Variants in CDYL2 observed in about 807,000 individuals in gnomAD.
CDYL2 encodes the protein chromodomain Y like 2.
CDYL2 carries 23 observed loss-of-function variants against 49.4 expected under a neutral mutation model. The observed-to-expected ratio is 0.47, with a 90% CI of 0.34 to 0.66. The LOEUF (loss-of-function observed/expected upper bound fraction) is 0.66, where lower values mean the gene tolerates loss of function less well. Ranked by LOEUF, CDYL2 falls within the 30% of genes least tolerant of loss-of-function variation. The pLI is 0.01. For missense variants in CDYL2, 678 were observed against 656.4 expected (o/e 1.03, Z -0.36); for synonymous variants, 360 against 268.8 (o/e 1.34, Z -3.32).
intron 5 of CDYL2, among the ~76,000 whole-genome samples, chr16:80,611,737 A>AGCGCCTCACAGG (rs1450348718): frequency 1.3e-5 from 2 of 152,208 alleles, no homozygotes; most frequent in Non-Finnish European, 2.9e-5. Context: ...TGGGGATCAC[A>AGCGCCTCACAGG]GCTGTCCTGC....
At chr16:80,756,380 A>C (rs1293115617) in intron 1 of CDYL2, among the ~76,000 whole-genome samples, 1 of 152,174 alleles carries the variant, frequency 6.6e-6, no homozygotes. Flanking sequence ...TTAACAAGGG[A>C]ATTTGTTAAC....
intron 2 of CDYL2, chr16:80,662,789 C>T (rs1483587530): frequency 2.2e-6 from 1 of 455,476 alleles, no homozygotes; most frequent in African/African-American, 2.0e-5. Context: ...AAGGGAATCA[C>T]ACTGTAGGAA....
chr16:80,732,252 T>C (rs1274047648), intron 1 of CDYL2, among the ~76,000 whole-genome samples: 2 of 152,214 alleles, frequency 1.3e-5, no homozygotes, highest in Non-Finnish European at 2.9e-5. Flanking sequence ...GGATACATTC[T>C]ACAACTGAGA....
rs1905999658 is a variant in CDYL2, at chr16:80,599,801, T to C, written c.*4587A>G. The C allele has an allele frequency of 6.6e-6, 1 of 152,202 alleles. No homozygotes were observed. The highest frequency in any genetic ancestry group is 2.1e-4 in the South Asian group (1 of 4,818). The allele number at this position is 152,202 out of a possible 1,614,324, so 9.4% of individuals were successfully genotyped here. ...ACCAGCAGCCTTCCCTATGACCGTGTCTAAACCATGTTTACAGTATGAAGG... is the reference window on the plus strand; with the variant it reads ...ACCAGCAGCCTTCCCTATGACCGTGCCTAAACCATGTTTACAGTATGAAGG... On this transcript the variant is annotated 3_prime_UTR_variant, in exon 7 of 7. Transcript: ENST00000570137.
rs180924485 is a variant in CDYL2 at position 80,741,139 on chromosome 16, G to T, written c.25-56010C>A. On this transcript the variant is annotated intron_variant, in intron 1 of 6. Transcript: ENST00000570137. ...GACAAAAAACCAAATTGCATAAAAA[G>T]CCCAGAAACATATATATACATAATA... Among the ~76,000 whole-genome samples the T allele has an allele frequency of 1.7e-4, 26 of 149,494 alleles. No individual in the cohort carries two copies. The East Asian group carries it at 4.3e-3, about 25-fold the overall frequency.
chr16:80,708,772 T>G (rs1904489750), intron 1 of CDYL2, among the ~76,000 whole-genome samples: 1 of 152,162 alleles, frequency 6.6e-6, no homozygotes, highest in South Asian at 2.1e-4. Flanking sequence ...TACTTATATG[T>G]AGAAAGTACT....
intron 1 of CDYL2, among the ~76,000 whole-genome samples, chr16:80,782,543 A>G (rs975486468): frequency 6.6e-5 from 10 of 150,798 alleles, no homozygotes; most frequent in Non-Finnish European, 1.3e-4. Context: ...AAAAAAAAAA[A>G]AAAAAAAAAC....
At chr16:80,656,298 C>T (rs1312085666) in intron 2 of CDYL2, among the ~76,000 whole-genome samples, 5 of 152,236 alleles carry the variant, frequency 3.3e-5, no homozygotes, top group Admixed American at 2.0e-4. Context: ...CTACTCCCAA[C>T]CCCACACCCA....
At chr16:80,657,434 G>A (rs1285509719) in intron 2 of CDYL2, among the ~76,000 whole-genome samples, 1 of 152,078 alleles carries the variant, frequency 6.6e-6, no homozygotes. Context: ...CTGAAGATAA[G>A]AAGACCAAAA....
At chr16:80,674,519 G>A (rs1393276000) in intron 2 of CDYL2, among the ~76,000 whole-genome samples, 2 of 151,952 alleles carry the variant, frequency 1.3e-5, no homozygotes, top group Non-Finnish European at 2.9e-5. Context: ...GATTTTTAGT[G>A]TGACTTGCAG....
At chr16:80,692,876 A>C (rs1910471805) in intron 1 of CDYL2, among the ~76,000 whole-genome samples, 1 of 152,234 alleles carries the variant, frequency 6.6e-6, no homozygotes, top group Non-Finnish European at 1.5e-5. Flanking sequence ...AAATGACACG[A>C]TCAATGATCA....
chr16:80,646,609 T>A (rs1020117606), intron 2 of CDYL2, among the ~76,000 whole-genome samples: 1 of 152,050 alleles, frequency 6.6e-6, no homozygotes, highest in Non-Finnish European at 1.5e-5. Context: ...GCTAACATGG[T>A]GAAACCCTAT....
At chr16:80,699,039 G>T (rs1904288041) in intron 1 of CDYL2, among the ~76,000 whole-genome samples, 1 of 152,142 alleles carries the variant, frequency 6.6e-6, no homozygotes, top group East Asian at 1.9e-4. Context: ...GTGGAGAAAA[G>T]AGAACTTTAT....
rs572191557 is a variant in CDYL2 at position 80,758,250 on chromosome 16, CT to C, written c.24+45899del. 2.1e-3 allele frequency among the ~76,000 whole-genome samples: 315 copies of C among 152,168 alleles called. 2 individuals carry two copies. The highest frequency in any genetic ancestry group is 7.1e-3 in the African/African-American group (294 of 41,532). On this transcript the variant is annotated intron_variant, in intron 1 of 6. Transcript: ENST00000570137. ...AGAACTTAGCTAAGACATTTTACCCCTATCTTTACACCAAAATAAATTTAGT... is the reference window on the plus strand; with the variant it reads ...AGAACTTAGCTAAGACATTTTACCCCATCTTTACACCAAAATAAATTTAGT...
intron 3 of CDYL2, among the ~76,000 whole-genome samples, chr16:80,631,192 C>T (rs1235222755): frequency 6.6e-6 from 1 of 152,160 alleles, no homozygotes; most frequent in Non-Finnish European, 1.5e-5. Context: ...CCTAAATTTT[C>T]TCATCTATAC....
intron 1 of CDYL2, among the ~76,000 whole-genome samples, chr16:80,775,787 T>C (rs1006710198): frequency 6.6e-6 from 1 of 151,712 alleles, no homozygotes; most frequent in Non-Finnish European, 1.5e-5. Context: ...CCAATAACGA[T>C]CTACAGAATT....
chr16:80,636,043 T>C (rs13332868), intron 2 of CDYL2, among the ~76,000 whole-genome samples: 8,327 of 152,250 alleles, frequency 0.055, 701 homozygotes, highest in African/African-American at 0.18. Context: ...CCCTTTCTTA[T>C]GCCTTATAGA....
intron 1 of CDYL2, among the ~76,000 whole-genome samples, chr16:80,704,516 C>T (rs1904337921): frequency 6.6e-6 from 1 of 152,228 alleles, no homozygotes; most frequent in Non-Finnish European, 1.5e-5. Context: ...CACCAACCAA[C>T]ATTAATAGCA....
At chr16:80,692,888 A>G (rs959857912) in intron 1 of CDYL2, among the ~76,000 whole-genome samples, 19 of 152,350 alleles carry the variant, frequency 1.2e-4, no homozygotes, top group Non-Finnish European at 2.4e-4. Flanking sequence ...CAATGATCAG[A>G]GCATTTTTTC....
Sources: allele counts gnomAD v4.1 joint callset (sites outside exome capture counted in the v4.1 genomes callset), GRCh38; gene constraint gnomAD v4.1.1; transcripts MANE v1.5; gene names NCBI Gene and HGNC (gene_info 2026-07-23, HGNC 2026-07-21).